HAT1: variants seen among roughly 807,000 people sequenced by gnomAD.
HAT1 encodes histone acetyltransferase type B catalytic subunit.
A neutral mutation model predicts 56.6 loss-of-function variants in HAT1; 20 were observed. The ratio of observed to expected loss-of-function variants is 0.35; its 90% CI spans 0.25 to 0.51. The LOEUF is 0.51. HAT1 is among the 20% of genes least tolerant of loss of function. HAT1 has a pLI of 0.95. For missense variants in HAT1, 408 were observed against 504.3 expected (o/e 0.81, Z 1.83); for synonymous variants, 146 against 165.5 (o/e 0.88, Z 0.91).
intron 8 of HAT1, among the ~76,000 whole-genome samples, chr2:171,975,345 T>C (rs1408276242): frequency 6.6e-6 from 1 of 152,136 alleles, no homozygotes; most frequent in African/African-American, 2.4e-5. Context: ...CCTCAGGTGA[T>C]CCGCCCGCCT....
chr2:171,977,829 C>T (rs1688027375), intron 9 of HAT1, among the ~76,000 whole-genome samples: 1 of 151,538 alleles, frequency 6.6e-6, no homozygotes, highest in Non-Finnish European at 1.5e-5. Context: ...TTCCTAATTG[C>T]CTGGCCAGAT....
chr2:171,975,430 T>C (rs1687934790), intron 8 of HAT1, among the ~76,000 whole-genome samples: 1 of 152,038 alleles, frequency 6.6e-6, no homozygotes, highest in South Asian at 2.1e-4. Flanking sequence ...CTAGAATAGT[T>C]TGTGAAGGAT....
At chr2:171,978,245 A>G (rs916443321) in intron 9 of HAT1, among the ~76,000 whole-genome samples, 9 of 151,820 alleles carry the variant, frequency 5.9e-5, no homozygotes, top group Non-Finnish European at 8.8e-5. Context: ...TTGTAGAGAC[A>G]GGGTTCCTAC....
chr2:171,923,231 G>GTGATTA (rs1010235237), intron 1 of HAT1: 2 of 152,134 alleles, frequency 1.3e-5, no homozygotes, highest in African/African-American at 4.8e-5. Context: ...CTGTTTTGGT[G>GTGATTA]TGATTATTTT....
intron 10 of HAT1, among the ~76,000 whole-genome samples, chr2:171,981,235 T>G (rs1242762152): frequency 6.6e-6 from 1 of 152,054 alleles, no homozygotes; most frequent in African/African-American, 2.4e-5. Flanking sequence ...ATATTTAATT[T>G]ATTCAACATA....
intron 2 of HAT1, among the ~76,000 whole-genome samples, chr2:171,943,262 C>T (rs560869336): frequency 2.2e-4 from 33 of 149,998 alleles, no homozygotes; most frequent in Non-Finnish European, 3.4e-4. Flanking sequence ...ATTAGCTGGG[C>T]GCTAATTTTT....
At chr2:171,948,450 C>G (rs1687225394) in intron 3 of HAT1, among the ~76,000 whole-genome samples, 2 of 152,112 alleles carry the variant, frequency 1.3e-5, no homozygotes, top group African/African-American at 4.8e-5. Flanking sequence ...GTCTCAATCT[C>G]CTGACCTCAA....
intron 8 of HAT1, among the ~76,000 whole-genome samples, chr2:171,967,542 C>A (rs1028987858): frequency 1.3e-5 from 2 of 152,164 alleles, no homozygotes; most frequent in South Asian, 4.2e-4. Flanking sequence ...ACTCGACTTA[C>A]TCGACTTGAC....
At chr2:171,966,359 A>G (rs369497909) in intron 6 of HAT1, 50 bp from the exon 7 acceptor site, 12 of 921,856 alleles carry the variant, frequency 1.3e-5, no homozygotes, top group Non-Finnish European at 2.0e-5. Flanking sequence ...TGGACACTGC[A>G]TGGGAGCGCG....
Position 171,925,546 on chromosome 2 carries a change from C to G in HAT1, c.17C>G (p.Ala6Gly). The change falls in exon 2 of 11, where the codon GCT (alanine) becomes GGT (glycine). Residue 6 changes from alanine (A) to glycine (G), a missense_variant. Physicochemically the swap from Ala to Gly is moderately conservative, Grantham distance 60. Transcript: ENST00000264108. ...AAACCTTTTCTCTTAGGATTTGGTG[C>G]TATGGAGAAATTTTTGGTAGAATAT... MAGFGAMEKFLVEYKS... is the reference protein window; with the variant it reads MAGFGGMEKFLVEYKS... 6.7e-7 allele frequency: 1 copy of G among 1,489,168 alleles called. No individual in the cohort carries two copies. Among genetic ancestry groups the G allele is most frequent in the Non-Finnish European group, 9.4e-7 (1 of 1,066,506 alleles). The allele number at this position is 1,489,168 out of a possible 1,614,324, so 92.2% of individuals were successfully genotyped here.
At chr2:171,937,095 C>T (rs917272356) in intron 2 of HAT1, among the ~76,000 whole-genome samples, 2 of 152,094 alleles carry the variant, frequency 1.3e-5, no homozygotes, top group African/African-American at 4.8e-5. Context: ...GCTGGGACTA[C>T]AGATGTGTGC....
intron 2 of HAT1, among the ~76,000 whole-genome samples, chr2:171,929,484 T>C (rs1686683723): frequency 6.6e-6 from 1 of 152,234 alleles, no homozygotes. Flanking sequence ...ATGTCCAGTT[T>C]ATTAATTTTA....
At chr2:171,977,543 ATATATATATATATATTTTTTT>A (rs1688010145) in intron 9 of HAT1, among the ~76,000 whole-genome samples, 2 of 13,846 alleles carry the variant, frequency 1.4e-4, no homozygotes, top group East Asian at 2.1e-3. Flanking sequence ...ATATATATAT[ATATATATATATATATTTTTTT>A]TTTTTTTTTT....
intron 3 of HAT1, among the ~76,000 whole-genome samples, chr2:171,949,822 A>T (rs1574048622): frequency 6.6e-6 from 1 of 152,106 alleles, no homozygotes; most frequent in African/African-American, 2.4e-5. Context: ...TTTACAATTC[A>T]GTGGGCTATG....
At chr2:171,979,451 C>A in intron 10 of HAT1, 88 bp downstream of exon 10, 1 of 708,718 alleles carries the variant, frequency 1.4e-6, no homozygotes, top group African/African-American at 1.8e-5. Context: ...ATGAGAGAGT[C>A]CAAGTCATTT....
intron 2 of HAT1, among the ~76,000 whole-genome samples, chr2:171,945,400 A>G (rs1424710654): frequency 4.6e-5 from 7 of 152,104 alleles, no homozygotes; most frequent in Non-Finnish European, 1.0e-4. Context: ...TAGGGAGCAA[A>G]GGAGTCTACA....
At chr2:171,953,209 G>C (rs1687351369) in intron 4 of HAT1, among the ~76,000 whole-genome samples, 1 of 151,938 alleles carries the variant, frequency 6.6e-6, no homozygotes, top group South Asian at 2.1e-4. Context: ...AGTGGGGCGT[G>C]GTGGCATGTG....
intron 4 of HAT1, among the ~76,000 whole-genome samples, chr2:171,961,891 GT>G (rs61586009): frequency 0.19 from 27,000 of 141,654 alleles, 2,721 homozygotes; most frequent in Non-Finnish European, 0.24. Flanking sequence ...TCTTTTGCTT[GT>G]TTTTTTTTTT....
chr2:171,944,336 G>C (rs1364474251), intron 2 of HAT1, among the ~76,000 whole-genome samples: 2 of 152,124 alleles, frequency 1.3e-5, no homozygotes, highest in African/African-American at 4.8e-5. Flanking sequence ...TTCTGGATTT[G>C]TGTATTTCCT....
Sources: allele counts gnomAD v4.1 joint callset (sites outside exome capture counted in the v4.1 genomes callset), GRCh38; gene constraint gnomAD v4.1.1; transcripts MANE v1.5; gene names NCBI Gene and HGNC (gene_info 2026-07-23, HGNC 2026-07-21).